MTMR8: variants seen among roughly 807,000 people sequenced by gnomAD.
MTMR8 encodes phosphatidylinositol-3,5-bisphosphate 3-phosphatase MTMR8.
Under a neutral mutation model 39.3 loss-of-function variants are expected in MTMR8, and 65 were observed. That is an observed-to-expected ratio of 1.65 (90% CI 1.35 to 2.03). The LOEUF is 2.03. Among genes scored for constraint, MTMR8 ranks in the 30% most tolerant of loss-of-function variants. MTMR8 has a pLI of 0.00. For synonymous variants in MTMR8, 245 were observed against 185.2 expected (o/e 1.32, Z -2.62); for missense variants, 777 against 538.9 (o/e 1.44, Z -4.37).
chrX:64,330,889 T>C (rs61195208), intron 11 of MTMR8, among the ~76,000 whole-genome samples: 15,984 of 111,313 alleles, frequency 0.14, 2,692 homozygotes, highest in African/African-American at 0.49. Context: ...TGGATTTTAA[T>C]GTGAAATCTA....
intron 1 of MTMR8, among the ~76,000 whole-genome samples, chrX:64,380,388 C>T (rs955527695): frequency 8.9e-6 from 1 of 112,509 alleles, no homozygotes; most frequent in Non-Finnish European, 1.9e-5. Context: ...GGCTATATGC[C>T]AGGGGAGATT....
intron 1 of MTMR8, among the ~76,000 whole-genome samples, chrX:64,366,329 A>C (rs1330102518): frequency 8.9e-6 from 1 of 111,961 alleles, no homozygotes; most frequent in Non-Finnish European, 1.9e-5. Context: ...CATCGCACTT[A>C]TTCCAAAATT....
chrX:64,385,529 A>G (rs964238269), intron 1 of MTMR8, among the ~76,000 whole-genome samples: 2 of 111,783 alleles, frequency 1.8e-5, no homozygotes, highest in Non-Finnish European at 3.8e-5. Context: ...TTATAAAGAC[A>G]AAAGGTTTAA....
intron 12 of MTMR8, among the ~76,000 whole-genome samples, chrX:64,315,007 G>A (rs1264245660): frequency 1.8e-5 from 2 of 111,656 alleles, no homozygotes; most frequent in South Asian, 3.8e-4. Context: ...CAGAGTTCAG[G>A]CCCACTAGTT....
At chrX:64,319,400 T>C (rs1407358270) in intron 12 of MTMR8, among the ~76,000 whole-genome samples, 2 of 112,306 alleles carry the variant, frequency 1.8e-5, no homozygotes, top group Admixed American at 1.9e-4. Context: ...AGAAACTCTT[T>C]AGTTTAATTA....
At chrX:64,306,273 A>C (rs1922115303) in intron 12 of MTMR8, 2 of 324,346 alleles carry the variant, frequency 6.2e-6, no homozygotes, top group Admixed American at 6.2e-5. Flanking sequence ...GAAATGTGGC[A>C]CAGCATTGGA....
At chrX:64,296,578 T>A (rs990430207) in intron 12 of MTMR8, among the ~76,000 whole-genome samples, 4 of 108,631 alleles carry the variant, frequency 3.7e-5, no homozygotes, top group South Asian at 4.1e-4. Flanking sequence ...TGCTGGTTTT[T>A]TTTTTTTTTT....
chrX:64,359,666 A>G (rs1426555041), intron 1 of MTMR8, 139 bp from the exon 2 acceptor site: 10 of 548,446 alleles, frequency 1.8e-5, no homozygotes, highest in Non-Finnish European at 2.5e-5. Flanking sequence ...GTGGCAAACT[A>G]CTATGATCTG....
intron 12 of MTMR8, among the ~76,000 whole-genome samples, chrX:64,314,417 C>A (rs1922402826): frequency 8.9e-6 from 1 of 112,324 alleles, no homozygotes; most frequent in African/African-American, 3.2e-5. Flanking sequence ...TGTGTGTGGT[C>A]CTGCTAGTGG....
At chrX:64,275,999 G>A (rs1382435381) in intron 12 of MTMR8, among the ~76,000 whole-genome samples, 2 of 111,525 alleles carry the variant, frequency 1.8e-5, no homozygotes, top group East Asian at 5.7e-4. Context: ...CAGGGCTAGA[G>A]GCTTCACTGA....
chrX:64,393,685 G>A (rs1232979606), intron 1 of MTMR8, among the ~76,000 whole-genome samples: 2 of 111,558 alleles, frequency 1.8e-5, no homozygotes, highest in African/African-American at 6.5e-5. Flanking sequence ...GACATGATCC[G>A]GAAACAAAGG....
chrX:64,281,467 A>G (rs757902170), intron 12 of MTMR8, among the ~76,000 whole-genome samples: 1 of 112,051 alleles, frequency 8.9e-6, no homozygotes, highest in South Asian at 3.7e-4. Context: ...TCCTTATTTA[A>G]TAAAAGGTGC....
chrX:64,283,112 G>T (rs191225470), intron 12 of MTMR8, among the ~76,000 whole-genome samples: 333 of 111,819 alleles, frequency 3.0e-3, no homozygotes, highest in Admixed American at 4.8e-3. Flanking sequence ...TGGAATTTTG[G>T]GTCACTCCCA....
chrX:64,287,215 T>A (rs1921215336), intron 12 of MTMR8, among the ~76,000 whole-genome samples: 1 of 111,300 alleles, frequency 9.0e-6, no homozygotes, highest in South Asian at 3.8e-4. Context: ...CCATTCACAA[T>A]TGCTTCAAAG....
intron 12 of MTMR8, among the ~76,000 whole-genome samples, chrX:64,299,198 C>T (rs1409249151): frequency 1.2e-5 from 1 of 85,748 alleles, no homozygotes; most frequent in Non-Finnish European, 2.2e-5. Flanking sequence ...GGCTGTGAAT[C>T]CATCTGGTCC....
intron 1 of MTMR8, among the ~76,000 whole-genome samples, chrX:64,388,068 T>C (rs1924607849): frequency 8.9e-6 from 1 of 111,768 alleles, no homozygotes; most frequent in South Asian, 3.7e-4. Context: ...TTTCTCATTT[T>C]CTTTCTAGGA....
In MTMR8 at chrX:64,288,048, A is replaced by C. The variant is rs1371022622; in HGVS notation, c.1482-16975T>G. On this transcript the variant is annotated intron_variant, in intron 12 of 13. Coordinates refer to ENST00000374852, the MANE Select transcript of MTMR8 (RefSeq NM_017677.4). ...AAAAAAAAAAAAAAAAAAAAAAAAA[A>C]ACTACCATAAGAGTGAACAGGAAAC... is the stretch of plus-strand genomic sequence containing the variant. Among the ~76,000 whole-genome samples, 4 of 89,493 alleles carry C rather than the reference A, an allele frequency of 4.5e-5. No individual in the cohort carries two copies. The East Asian group carries it at 1.4e-3, about 31-fold the overall frequency. The allele number at this position is 89,493 out of a possible 115,157, so 77.7% of individuals were successfully genotyped here. A position where few individuals can be genotyped will look rare whatever the true frequency, so the allele number is the denominator to read the frequency against.
chrX:64,294,896 G>A (rs910665518), intron 12 of MTMR8, among the ~76,000 whole-genome samples: 1 of 111,103 alleles, frequency 9.0e-6, no homozygotes, highest in African/African-American at 3.3e-5. Flanking sequence ...CATAAATATC[G>A]CCTATAGCAG....
chrX:64,282,395 C>T (rs1469683018), intron 12 of MTMR8, among the ~76,000 whole-genome samples: 1 of 110,963 alleles, frequency 9.0e-6, no homozygotes, highest in African/African-American at 3.3e-5. Flanking sequence ...TCATGTGGGG[C>T]TTAATACCTA....
Sources: gnomAD v4.1 joint callset for allele counts (sites outside exome capture counted in the v4.1 genomes callset) on GRCh38, gnomAD v4.1.1 for gene constraint, MANE v1.5 for transcripts, NCBI Gene and HGNC (gene_info 2026-07-23, HGNC 2026-07-21) for gene names.